Variants in FLT3 observed in about 807,000 individuals in gnomAD.
FLT3 encodes the protein fms related receptor tyrosine kinase 3.
Under a neutral mutation model 126.6 loss-of-function variants are expected in FLT3, and 46 were observed. That is an observed-to-expected ratio of 0.36 (90% CI 0.29 to 0.46). The LOEUF (loss-of-function observed/expected upper bound fraction) is 0.46, where lower values mean the gene tolerates loss of function less well. FLT3 is among the 20% of genes least tolerant of loss of function. The probability of loss-of-function intolerance (pLI) is 1.00; values close to 1 mark genes in which losing one functional copy is unlikely to be tolerated. For missense variants in FLT3, 1,069 were observed against 1,190.3 expected, an observed-to-expected ratio of 0.90 and a Z score of 1.50; for synonymous variants, 404 against 434.4, an observed-to-expected ratio of 0.93 and a Z score of 0.87.
intron 9 of FLT3, among the ~76,000 whole-genome samples, chr13:28,046,376 A>G (rs1874881223): frequency 6.6e-6 from 1 of 152,190 alleles, no homozygotes; most frequent in South Asian, 2.1e-4. Flanking sequence ...AGCGGAATCA[A>G]GGTGAAAAGA....
In FLT3 at chr13:28,018,391, G is replaced by A. The variant is rs1169333013; in HGVS notation, c.2541+76C>T. ...CCATAAATCAAAAATGCACCACAGT[G>A]AGTGCAGTTGTTTACCATGATAACG... is the stretch of plus-strand genomic sequence containing the variant. On this transcript the variant is annotated intron_variant, in intron 20 of 23. Coordinates refer to ENST00000241453, the MANE Select transcript of FLT3 (RefSeq NM_004119.3). 7.3e-6 allele frequency: 11 copies of A among 1,511,550 alleles called. No homozygotes were observed. In the South Asian group the frequency reaches 1.2e-4, roughly 16 times the overall value. The allele number at this position is 1,511,550 out of a possible 1,614,324, so 93.6% of individuals were successfully genotyped here. A position where few individuals can be genotyped will look rare whatever the true frequency, so the allele number is the denominator to read the frequency against.
intron 9 of FLT3, among the ~76,000 whole-genome samples, chr13:28,042,095 G>A (rs1367663238): frequency 6.0e-5 from 9 of 150,772 alleles, no homozygotes; most frequent in Non-Finnish European, 8.9e-5. Context: ...GCAGTGAGCC[G>A]AGATCGCACC....
intron 1 of FLT3, among the ~76,000 whole-genome samples, chr13:28,091,333 T>A (rs1052967832): frequency 1.4e-5 from 2 of 142,408 alleles, no homozygotes; most frequent in Non-Finnish European, 3.0e-5. Flanking sequence ...GCCATTCTCC[T>A]GCCTCAGCCT....
intron 9 of FLT3, among the ~76,000 whole-genome samples, chr13:28,041,920 A>G (rs1043776559): frequency 2.0e-5 from 3 of 152,162 alleles, no homozygotes; most frequent in Admixed American, 2.0e-4. Flanking sequence ...TGGGAGGCCA[A>G]AGGAGGAGGA....
At chr13:28,032,157 C>G (rs1873401343) in intron 15 of FLT3, among the ~76,000 whole-genome samples, 1 of 152,208 alleles carries the variant, frequency 6.6e-6, no homozygotes, top group Non-Finnish European at 1.5e-5. Context: ...CATTACCAGT[C>G]ACAGAGAGGA....
intron 15 of FLT3, 132 bp from the exon 16 acceptor site, chr13:28,028,420 G>C: frequency 1.6e-6 from 1 of 613,316 alleles, no homozygotes. Flanking sequence ...AGAGAAGCCA[G>C]GCATGGTGGG....
At chr13:28,063,905 CGG>C (rs1566092514) in intron 2 of FLT3, among the ~76,000 whole-genome samples, 2 of 152,084 alleles carry the variant, frequency 1.3e-5, no homozygotes, top group Non-Finnish European at 2.9e-5. Flanking sequence ...ATTTCTAAGC[CGG>C]ATGTTTAAGT....
intron 19 of FLT3, 70 bp downstream of exon 19, chr13:28,023,280 A>T (rs1872551877): frequency 6.7e-7 from 1 of 1,493,978 alleles, no homozygotes; most frequent in Non-Finnish European, 9.1e-7. Flanking sequence ...TAAAATAAAC[A>T]AGAAAACATA....
chr13:28,065,461 A>G (rs9551431), intron 2 of FLT3, among the ~76,000 whole-genome samples: 142,359 of 151,992 alleles, frequency 0.94, 67,340 homozygotes, highest in Non-Finnish European at 1. Flanking sequence ...GGGCAACAAA[A>G]TGAGACCCCA....
chr13:28,007,512 G>T (rs1342946221), intron 23 of FLT3, among the ~76,000 whole-genome samples: 3 of 152,116 alleles, frequency 2.0e-5, no homozygotes, highest in Non-Finnish European at 4.4e-5. Context: ...CTCTCAATGT[G>T]CTGGGATTAC....
At chr13:28,019,028 C>T (rs1042004020) in intron 19 of FLT3, among the ~76,000 whole-genome samples, 36 of 147,638 alleles carry the variant, frequency 2.4e-4, no homozygotes, top group African/African-American at 8.7e-4. Context: ...AGTGCAATGG[C>T]GTGATCTCGG....
chr13:28,057,165 T>A (rs536080592), intron 4 of FLT3, among the ~76,000 whole-genome samples, 182 bp downstream of exon 4: 2 of 152,180 alleles, frequency 1.3e-5, no homozygotes, highest in African/African-American at 4.8e-5. Context: ...CAGTGATTCA[T>A]CAGTGATTCT....
chr13:28,053,873 G>C (rs1024755406), intron 4 of FLT3, among the ~76,000 whole-genome samples: 4 of 151,728 alleles, frequency 2.6e-5, no homozygotes, highest in African/African-American at 9.7e-5. Context: ...GTGTGTGTGA[G>C]ACAGGGTCTC....
At chr13:28,071,702 C>G (rs1012748746) in intron 1 of FLT3, among the ~76,000 whole-genome samples, 12 of 152,104 alleles carry the variant, frequency 7.9e-5, no homozygotes, top group Non-Finnish European at 2.9e-5. Flanking sequence ...AGAGAAGATT[C>G]TCTCTCTTGC....
At chr13:28,064,265 A>C (rs932965620) in intron 2 of FLT3, among the ~76,000 whole-genome samples, 3 of 152,266 alleles carry the variant, frequency 2.0e-5, no homozygotes, top group African/African-American at 7.2e-5. Context: ...TACACAATTC[A>C]AGAAAAAAGA....
chr13:28,051,435 C>A (rs1039397694), intron 5 of FLT3, among the ~76,000 whole-genome samples: 6 of 151,382 alleles, frequency 4.0e-5, no homozygotes, highest in Admixed American at 6.6e-5. Context: ...CGGGGTTTGA[C>A]CATGTTGGTC....
chr13:28,017,157 T>G (rs185165551), intron 20 of FLT3, among the ~76,000 whole-genome samples: 37 of 152,300 alleles, frequency 2.4e-4, no homozygotes, highest in Admixed American at 2.0e-3. Flanking sequence ...ACTTAGATGT[T>G]TAGCACATAG....
chr13:28,052,188 A>G (rs9581966), intron 5 of FLT3, among the ~76,000 whole-genome samples: 25,310 of 151,574 alleles, frequency 0.17, 2,479 homozygotes, highest in Middle Eastern at 0.27. Flanking sequence ...TTTGCCTCCC[A>G]GGTTCAAGAG....
intron 11 of FLT3, 77 bp from the exon 12 acceptor site, chr13:28,035,750 C>T: frequency 6.9e-7 from 1 of 1,445,918 alleles, no homozygotes. Context: ...GCAGCGAGTT[C>T]TAAAAGAGAT....
Sources: gnomAD v4.1 joint callset for allele counts (sites outside exome capture counted in the v4.1 genomes callset) on GRCh38, gnomAD v4.1.1 for gene constraint, MANE v1.5 for transcripts, NCBI Gene and HGNC (gene_info 2026-07-23, HGNC 2026-07-21) for gene names.